Variants in CSMD1 observed in about 807,000 individuals in gnomAD.
CSMD1 encodes the protein CUB and sushi domain-containing protein 1.
A neutral mutation model predicts 417.5 loss-of-function variants in CSMD1; 213 were observed. That is an observed-to-expected ratio of 0.51 (90% CI 0.46 to 0.57). CSMD1 has a LOEUF of 0.57. Among genes scored for constraint, CSMD1 ranks in the 20% least tolerant of loss-of-function variants. The probability of loss-of-function intolerance (pLI) is 0.00; values close to 1 mark genes in which losing one functional copy is unlikely to be tolerated. For synonymous variants in CSMD1, 2,862 were observed against 1,736.8 expected (o/e 1.65, Z -16.11); for missense variants, 6,923 against 4,529.7 (o/e 1.53, Z -15.17).
At chr8:4,254,696 C>T (rs1305067073) in intron 3 of CSMD1, among the ~76,000 whole-genome samples, 1 of 152,138 alleles carries the variant, frequency 6.6e-6, no homozygotes, top group Non-Finnish European at 1.5e-5. Context: ...CATATTTTTA[C>T]CGTACCTTTT....
chr8:4,048,277 T>G (rs1411912637), intron 3 of CSMD1, among the ~76,000 whole-genome samples: 1 of 152,172 alleles, frequency 6.6e-6, no homozygotes, highest in East Asian at 1.9e-4. Context: ...ATTTTTACAC[T>G]AATTATGAGC....
intron 6 of CSMD1, among the ~76,000 whole-genome samples, chr8:3,724,795 T>G (rs940055190): frequency 8.5e-5 from 13 of 152,230 alleles, no homozygotes; most frequent in Admixed American, 3.9e-4. Flanking sequence ...CAGCAGTACT[T>G]TGCCATCAGC....
chr8:4,761,379 TG>T (rs1812032260), intron 1 of CSMD1, among the ~76,000 whole-genome samples: 2 of 152,060 alleles, frequency 1.3e-5, no homozygotes, highest in Admixed American at 6.6e-5. Flanking sequence ...TTGGTGTGTG[TG>T]TGTGTATATA....
In CSMD1 at chr8:4,260,909, C is replaced by T. The variant is rs539711449; in HGVS notation, c.415+159044G>A. ...GTTTGATATTATGATAGGAACACCA[C>T]GGTTATTTTAGTTAGTATTTACCTG... On this transcript the variant is annotated intron_variant, in intron 3 of 69. Coordinates refer to ENST00000635120, the MANE Select transcript of CSMD1 (RefSeq NM_033225.6). 3.9e-5 allele frequency among the ~76,000 whole-genome samples: 6 copies of T among 152,260 alleles called. 1 individual carries two copies. In the South Asian group the frequency reaches 6.2e-4, roughly 16 times the overall value.
At chr8:4,736,877 A>C (rs985453334) in intron 1 of CSMD1, among the ~76,000 whole-genome samples, 11 of 152,128 alleles carry the variant, frequency 7.2e-5, no homozygotes, top group Non-Finnish European at 1.5e-5. Flanking sequence ...CTGGTATGTA[A>C]GCGTTCAGTA....
chr8:3,135,625 G>A (rs532109127), intron 41 of CSMD1, among the ~76,000 whole-genome samples: 21 of 148,382 alleles, frequency 1.4e-4, no homozygotes, highest in African/African-American at 5.1e-4. Context: ...ACACGCTCTT[G>A]AGTGAAGTCT....
chr8:4,739,948 T>G (rs1228615860), intron 1 of CSMD1, among the ~76,000 whole-genome samples: 1 of 152,148 alleles, frequency 6.6e-6, no homozygotes, highest in Non-Finnish European at 1.5e-5. Flanking sequence ...TTAAGCTCCA[T>G]AGTCTGAGCT....
At chr8:4,368,156 A>T (rs1216998079) in intron 3 of CSMD1, among the ~76,000 whole-genome samples, 1 of 151,990 alleles carries the variant, frequency 6.6e-6, no homozygotes, top group Non-Finnish European at 1.5e-5. Flanking sequence ...CATTTTTTTG[A>T]GATATATTCC....
rs150358891 is a variant in CSMD1 at position 3,933,570 on chromosome 8, T to C, written c.818+64333A>G. 1.2e-4 allele frequency among the ~76,000 whole-genome samples: 19 copies of C among 152,278 alleles called. No homozygotes were observed. The East Asian group carries it at 1.7e-3, about 14-fold the overall frequency. On this transcript the variant is annotated intron_variant, in intron 5 of 69. Coordinates refer to ENST00000635120, the MANE Select transcript of CSMD1 (RefSeq NM_033225.6). ...GAGAGTCCTGGCAAAACAGGATACA[T>C]TGAGAAAATATAGGAGTGTGTAGAA...
chr8:3,617,694 C>G (rs922786528), intron 7 of CSMD1, among the ~76,000 whole-genome samples: 47 of 152,222 alleles, frequency 3.1e-4, no homozygotes, highest in Non-Finnish European at 5.6e-4. Flanking sequence ...ATGTATGCAA[C>G]AGAAAAGATG....
At chr8:3,542,928 C>T (rs550490074) in intron 10 of CSMD1, among the ~76,000 whole-genome samples, 1 of 151,156 alleles carries the variant, frequency 6.6e-6, no homozygotes, top group East Asian at 1.9e-4. Flanking sequence ...CCAGGCAGCT[C>T]TCCTGAGACT....
chr8:4,374,595 G>A (rs1181639010), intron 3 of CSMD1, among the ~76,000 whole-genome samples: 5 of 152,248 alleles, frequency 3.3e-5, no homozygotes, highest in East Asian at 1.9e-4. Flanking sequence ...GACAAGGGAA[G>A]CAGCTAAGAA....
intron 25 of CSMD1, among the ~76,000 whole-genome samples, chr8:3,284,983 A>G (rs569124615): frequency 3.3e-5 from 5 of 152,286 alleles, no homozygotes; most frequent in African/African-American, 7.2e-5. Flanking sequence ...TATTTTTCAG[A>G]GTGACTTAAA....
chr8:2,986,034 C>G lies in CSMD1; in HGVS notation c.8378-7234G>C, dbSNP rs957155851. On this transcript the variant is annotated intron_variant, in intron 54 of 69. Transcript: ENST00000635120. ...GAGAGGGAGGGAGGGAGAAAACCGTCTCCATAGAAGAAGGAAGGAAGGAAG... is the reference window on the plus strand; with the variant it reads ...GAGAGGGAGGGAGGGAGAAAACCGTGTCCATAGAAGAAGGAAGGAAGGAAG... Among the ~76,000 whole-genome samples the G allele has an allele frequency of 6.2e-5, 9 of 144,108 alleles. No homozygotes were observed. The South Asian group carries it at 8.6e-4, about 14-fold the overall frequency. The allele number at this position is 144,108 out of a possible 152,430, so 94.5% of individuals were successfully genotyped here. A position where few individuals can be genotyped will look rare whatever the true frequency, so the allele number is the denominator to read the frequency against.
chr8:3,521,230 CA>C (rs1474797737), intron 10 of CSMD1, among the ~76,000 whole-genome samples: 1 of 152,194 alleles, frequency 6.6e-6, no homozygotes, highest in Non-Finnish European at 1.5e-5. Flanking sequence ...CCTGGTTTCT[CA>C]CTGTTGCTGA....
At chr8:4,563,994 G>T (rs1326272124) in intron 2 of CSMD1, among the ~76,000 whole-genome samples, 1 of 152,136 alleles carries the variant, frequency 6.6e-6, no homozygotes, top group African/African-American at 2.4e-5. Context: ...AGATTCCCAG[G>T]AAAATGAGGA....
At chr8:3,886,801 G>A (rs975618391) in intron 5 of CSMD1, among the ~76,000 whole-genome samples, 6 of 152,152 alleles carry the variant, frequency 3.9e-5, no homozygotes, top group African/African-American at 1.4e-4. Context: ...ATTACAGAAG[G>A]AAGGAGGGTA....
intron 5 of CSMD1, among the ~76,000 whole-genome samples, chr8:3,759,162 G>C (rs1385991914): frequency 6.6e-6 from 1 of 152,224 alleles, no homozygotes; most frequent in East Asian, 1.9e-4. Flanking sequence ...AATTTGTTAT[G>C]GTGGCAAGAG....
chr8:3,667,819 T>C (rs981173419), intron 7 of CSMD1, among the ~76,000 whole-genome samples: 1 of 152,170 alleles, frequency 6.6e-6, no homozygotes, highest in African/African-American at 2.4e-5. Context: ...GGCAAATTCA[T>C]GAACAGCAGG....
Sources: allele counts gnomAD v4.1 joint callset (sites outside exome capture counted in the v4.1 genomes callset), GRCh38; gene constraint gnomAD v4.1.1; transcripts MANE v1.5; gene names NCBI Gene and HGNC (gene_info 2026-07-23, HGNC 2026-07-21).